Variants in TMEM74 observed in about 807,000 individuals in gnomAD.
TMEM74 encodes the protein transmembrane protein 74.
In TMEM74, 13 loss-of-function variants were observed where a neutral mutation model predicts 18.1. The ratio of observed to expected loss-of-function variants is 0.72; its 90% CI spans 0.47 to 1.14. The LOEUF is 1.14. Ranked by LOEUF, TMEM74 falls within the 50% of genes most tolerant of loss-of-function variation. The pLI is 0.00. For synonymous variants in TMEM74, 159 were observed against 146.6 expected (o/e 1.08, Z -0.61); for missense variants, 372 against 375.9 (o/e 0.99, Z 0.09).
intron 2 of TMEM74, among the ~76,000 whole-genome samples, chr8:108,619,267 G>A (rs1812415319): frequency 6.6e-6 from 1 of 152,166 alleles, no homozygotes; most frequent in Non-Finnish European, 1.5e-5. Flanking sequence ...CAGCAACTAG[G>A]AGTTTTGAGT....
intron 1 of TMEM74, among the ~76,000 whole-genome samples, chr8:108,679,023 T>G (rs1032984167): frequency 1.3e-5 from 2 of 151,832 alleles, no homozygotes; most frequent in African/African-American, 4.8e-5. Flanking sequence ...TTGCGATAGT[T>G]TGCTGAGAAT....
chr8:108,623,735 C>T (rs1812466723), intron 2 of TMEM74, among the ~76,000 whole-genome samples: 1 of 152,044 alleles, frequency 6.6e-6, no homozygotes, highest in Admixed American at 6.6e-5. Context: ...ATGCTTTCCT[C>T]TAACCCAGTG....
chr8:108,608,818 G>A (rs1345042643), exon 3 of TMEM74: 3 of 152,054 alleles, frequency 2.0e-5, no homozygotes, highest in African/African-American at 7.2e-5. Context: ...ATCCTTCACT[G>A]AAACATTACT....
intron 1 of TMEM74, among the ~76,000 whole-genome samples, chr8:108,730,695 C>T (rs113403261): frequency 0.014 from 1,997 of 144,702 alleles, 14 homozygotes; most frequent in Non-Finnish European, 0.02. Context: ...TGCAGTGGAG[C>T]GATCTCAGCT....
At chr8:108,684,949 G>C (rs772735235) in intron 1 of TMEM74, among the ~76,000 whole-genome samples, 3 of 151,804 alleles carry the variant, frequency 2.0e-5, no homozygotes, top group Non-Finnish European at 4.4e-5. Flanking sequence ...AATTTTAGGA[G>C]TTTTTTCTAT....
chr8:108,667,648 T>C (rs1812961819), intron 1 of TMEM74, among the ~76,000 whole-genome samples: 2 of 152,174 alleles, frequency 1.3e-5, no homozygotes, highest in African/African-American at 2.4e-5. Context: ...AATTATAGAC[T>C]GGTAAAATTC....
intron 2 of TMEM74, among the ~76,000 whole-genome samples, chr8:108,624,091 G>A (rs991600987): frequency 6.6e-6 from 1 of 152,026 alleles, no homozygotes; most frequent in African/African-American, 2.4e-5. Flanking sequence ...AGCAAAGTAG[G>A]AGAACCAACA....
rs550845219 is a variant in TMEM74 at position 108,747,790 on chromosome 8, A to G, written n.119+39686T>C. Among the ~76,000 whole-genome samples, 37 of 129,422 alleles carry G rather than the reference A, an allele frequency of 2.9e-4. 1 individual carries two copies. Among genetic ancestry groups the G allele is most frequent in the Middle Eastern group, 0.011 (2 of 182 alleles). The allele number at this position is 129,422 out of a possible 152,430, so 84.9% of individuals were successfully genotyped here. On this transcript the variant is annotated intron_variant and non_coding_transcript_variant, in intron 1 of 3. Transcript: ENST00000518838. ...CATGTGTCCTCATTATTTAGCTCCC[A>G]CTTATAAGTGAGAACATGCAGTATT... is the stretch of plus-strand genomic sequence containing the variant.
At chr8:108,704,407 C>T (rs867235517) in intron 1 of TMEM74, among the ~76,000 whole-genome samples, 28 of 152,194 alleles carry the variant, frequency 1.8e-4, no homozygotes, top group Admixed American at 3.9e-4. Context: ...AGGTTAAGAG[C>T]GGTCTCAAGC....
intron 2 of TMEM74, among the ~76,000 whole-genome samples, chr8:108,639,460 G>T (rs1283364879): frequency 6.6e-6 from 1 of 152,036 alleles, no homozygotes; most frequent in Non-Finnish European, 1.5e-5. Context: ...TTACATATAT[G>T]CATGTATATG....
intron 2 of TMEM74, among the ~76,000 whole-genome samples, chr8:108,654,810 T>A (rs1000977368): frequency 4.6e-5 from 7 of 152,136 alleles, no homozygotes; most frequent in African/African-American, 1.7e-4. Flanking sequence ...CCCTACTCCC[T>A]CCAGGATGCC....
intron 1 of TMEM74, among the ~76,000 whole-genome samples, chr8:108,706,776 G>GGTGGGTGTGT (rs1813415105): frequency 6.9e-6 from 1 of 144,870 alleles, no homozygotes; most frequent in Admixed American, 6.9e-5. Flanking sequence ...AATTACAAGG[G>GGTGGGTGTGT]GTGTGTGTGT....
chr8:108,763,618 G>T (rs1814069526), intron 1 of TMEM74, among the ~76,000 whole-genome samples: 1 of 151,832 alleles, frequency 6.6e-6, no homozygotes, highest in African/African-American at 2.4e-5. Flanking sequence ...CTTCATTATG[G>T]TGTTTAGAGT....
intron 2 of TMEM74, among the ~76,000 whole-genome samples, chr8:108,647,535 G>GTAT (rs753586611): frequency 2.6e-5 from 4 of 152,038 alleles, no homozygotes; most frequent in Non-Finnish European, 5.9e-5. Flanking sequence ...GAAAAAAAAA[G>GTAT]TATGGGATTA....
rs60468787 is a variant in TMEM74 at position 108,726,999 on chromosome 8, G to C, written n.119+60477C>G. Reference sequence around the variant, plus strand: ...AAAAGGGAAGTGAATTATACAAATAGGCAATTGGGGGAATAGCATTTCAGG... The same window carrying C: ...AAAAGGGAAGTGAATTATACAAATACGCAATTGGGGGAATAGCATTTCAGG... On this transcript the variant is annotated intron_variant and non_coding_transcript_variant, in intron 1 of 3. Coordinates refer to the TMEM74 transcript ENST00000518838. 4.1e-3 allele frequency among the ~76,000 whole-genome samples: 624 copies of C among 152,178 alleles called. 3 individuals are homozygous for C. The highest frequency in any genetic ancestry group is 0.013 in the African/African-American group (551 of 41,508).
Position 108,783,803 on chromosome 8 carries a change from A to G in TMEM74, c.*378T>C, listed in dbSNP as rs1177986408. 1 of 156,510 alleles carries G rather than the reference A, an allele frequency of 6.4e-6. No homozygotes were observed. Among genetic ancestry groups the G allele is most frequent in the Non-Finnish European group, 1.4e-5 (1 of 71,126 alleles). 9.7% of individuals were successfully genotyped at this position (156,510 alleles called of 1,614,324 possible). ...TGCTTAGTTCTTTTTCACAAAGTAGATTAGCAATTGATCCTACTGTGTGTA... is the reference window on the plus strand; with the variant it reads ...TGCTTAGTTCTTTTTCACAAAGTAGGTTAGCAATTGATCCTACTGTGTGTA... On this transcript the variant is annotated 3_prime_UTR_variant, in exon 2 of 2. Coordinates refer to ENST00000297459, the MANE Select transcript of TMEM74 (RefSeq NM_153015.3).
chr8:108,770,586 G>A (rs1814160390), intron 1 of TMEM74, among the ~76,000 whole-genome samples: 1 of 152,106 alleles, frequency 6.6e-6, no homozygotes, highest in African/African-American at 2.4e-5. Flanking sequence ...ATACTTACCT[G>A]ACAATATGCT....
intron 1 of TMEM74, among the ~76,000 whole-genome samples, chr8:108,683,586 T>C (rs1813136864): frequency 6.6e-6 from 1 of 151,966 alleles, no homozygotes; most frequent in South Asian, 2.1e-4. Context: ...AAAAATTGTA[T>C]TGTTTTAAAT....
intron 2 of TMEM74, among the ~76,000 whole-genome samples, chr8:108,641,377 GTA>G (rs1812663519): frequency 6.6e-6 from 1 of 152,098 alleles, no homozygotes. Context: ...TCCTGTAAGC[GTA>G]TATGTTTAAT....
Sources: allele counts gnomAD v4.1 joint callset (sites outside exome capture counted in the v4.1 genomes callset), GRCh38; gene constraint gnomAD v4.1.1; transcripts MANE v1.5; gene names NCBI Gene and HGNC (gene_info 2026-07-23, HGNC 2026-07-21).